Variants in CDH12 observed in about 807,000 individuals in gnomAD.
CDH12 encodes cadherin-12.
CDH12 carries 41 observed loss-of-function variants against 74.1 expected under a neutral mutation model. That is an observed-to-expected ratio of 0.55 (90% CI 0.43 to 0.72). CDH12 has a LOEUF of 0.72. CDH12 is among the 30% of genes least tolerant of loss of function. The pLI, the probability that CDH12 is intolerant of heterozygous loss-of-function variation, is 0.00. For missense variants in CDH12, 945 were observed against 977.2 expected, an observed-to-expected ratio of 0.97 and a Z score of 0.44; for synonymous variants, 399 against 355.0, an observed-to-expected ratio of 1.12 and a Z score of -1.39.
chr5:21,839,901 GT>G lies in CDH12; in HGVS notation c.814+2259del, dbSNP rs1366318452. 1.2e-4 allele frequency among the ~76,000 whole-genome samples: 18 copies of G among 152,202 alleles called. No homozygotes were observed. The East Asian group carries it at 3.5e-3, about 29-fold the overall frequency. ...CCAGGAATAAAACAGGTAGTGATTGGTGTTAGATGTAATACTGCAACAGAAA... is the reference window on the plus strand; with the variant it reads ...CCAGGAATAAAACAGGTAGTGATTGGGTTAGATGTAATACTGCAACAGAAA... On this transcript the variant is annotated intron_variant, in intron 8 of 14. Coordinates refer to ENST00000382254, the MANE Select transcript of CDH12 (RefSeq NM_004061.5).
intron 1 of CDH12, among the ~76,000 whole-genome samples, chr5:22,766,157 A>G (rs1013799735): frequency 1.3e-5 from 2 of 152,032 alleles, no homozygotes; most frequent in African/African-American, 4.8e-5. Context: ...AAAAACTCAA[A>G]CAATAATTGT....
chr5:22,708,916 C>T (rs1743156449), intron 1 of CDH12, among the ~76,000 whole-genome samples: 2 of 152,216 alleles, frequency 1.3e-5, no homozygotes, highest in South Asian at 2.1e-4. Context: ...CTGAAAGCGC[C>T]GCCACCCTGT....
At chr5:21,776,131 G>C (rs1389958160) in intron 11 of CDH12, among the ~76,000 whole-genome samples, 2 of 152,164 alleles carry the variant, frequency 1.3e-5, no homozygotes, top group Non-Finnish European at 2.9e-5. Context: ...GATCATGCCA[G>C]CTGCCATGTT....
chr5:22,597,346 A>C (rs1378647624), intron 1 of CDH12, among the ~76,000 whole-genome samples: 1 of 152,214 alleles, frequency 6.6e-6, no homozygotes, highest in Non-Finnish European at 1.5e-5. Flanking sequence ...ACAGCTTTCA[A>C]ATTTTAACCA....
At chr5:22,027,857 C>G (rs1425046217) in intron 5 of CDH12, among the ~76,000 whole-genome samples, 3 of 152,078 alleles carry the variant, frequency 2.0e-5, no homozygotes, top group Non-Finnish European at 2.9e-5. Context: ...CTTCTGCTAG[C>G]TTTCGAATGT....
chr5:22,590,064 G>C (rs530784920), intron 1 of CDH12, among the ~76,000 whole-genome samples: 2 of 152,000 alleles, frequency 1.3e-5, no homozygotes, highest in African/African-American at 4.8e-5. Context: ...GTACTATCTC[G>C]ACAATTTTCT....
At chr5:21,778,466 CAAAAAAAAAAAAAA>C (rs70957061) in intron 11 of CDH12, among the ~76,000 whole-genome samples, 4 of 52,614 alleles carry the variant, frequency 7.6e-5, no homozygotes, top group Non-Finnish European at 1.3e-4. Flanking sequence ...GCATATAAGC[CAAAAAAAAAAAAAA>C]AAAAAAAAAA....
intron 1 of CDH12, among the ~76,000 whole-genome samples, chr5:22,562,758 C>T (rs866649345): frequency 6.6e-6 from 1 of 151,110 alleles, no homozygotes; most frequent in Admixed American, 6.6e-5. Context: ...AAAACTTGAC[C>T]TTGGAAGAAA....
chr5:22,803,962 T>A (rs1228596745), intron 1 of CDH12, among the ~76,000 whole-genome samples: 1 of 152,008 alleles, frequency 6.6e-6, no homozygotes, highest in Non-Finnish European at 1.5e-5. Context: ...TCAATTACTA[T>A]GAGTCTATGT....
intron 3 of CDH12, among the ~76,000 whole-genome samples, chr5:22,332,849 C>T (rs371369185): frequency 8.5e-5 from 13 of 152,168 alleles, no homozygotes; most frequent in South Asian, 6.2e-4. Context: ...GAAATAGGAA[C>T]GCTTTTACAC....
intron 5 of CDH12, among the ~76,000 whole-genome samples, chr5:22,035,344 G>A (rs1336433102): frequency 1.3e-5 from 2 of 151,918 alleles, no homozygotes; most frequent in East Asian, 3.9e-4. Context: ...TATAAATTAG[G>A]TGCAGTGGCC....
intron 4 of CDH12, among the ~76,000 whole-genome samples, chr5:22,149,156 G>A (rs1275801401): frequency 6.6e-6 from 1 of 152,046 alleles, no homozygotes; most frequent in Non-Finnish European, 1.5e-5. Flanking sequence ...ATTGAATTTA[G>A]CTCCCACCTT....
intron 3 of CDH12, among the ~76,000 whole-genome samples, chr5:22,371,723 T>C (rs1236703293): frequency 1.3e-5 from 2 of 152,178 alleles, no homozygotes; most frequent in African/African-American, 4.8e-5. Context: ...ATAGTACATA[T>C]GTAGAATATT....
At chr5:22,241,939 A>G (rs1752765020) in intron 3 of CDH12, among the ~76,000 whole-genome samples, 1 of 152,102 alleles carries the variant, frequency 6.6e-6, no homozygotes, top group Non-Finnish European at 1.5e-5. Context: ...TATTTAAATC[A>G]TATATGGAAA....
intron 1 of CDH12, among the ~76,000 whole-genome samples, chr5:22,706,354 T>C (rs1743007611): frequency 6.6e-6 from 1 of 152,066 alleles, no homozygotes; most frequent in African/African-American, 2.4e-5. Flanking sequence ...TAAACATATC[T>C]ATATAAGGAT....
chr5:22,318,208 A>G (rs1262870017), intron 3 of CDH12, among the ~76,000 whole-genome samples: 1 of 152,210 alleles, frequency 6.6e-6, no homozygotes, highest in African/African-American at 2.4e-5. Context: ...GCCAGTGGGA[A>G]GAAATGAATT....
chr5:22,307,877 T>TTG (rs1738183933), intron 3 of CDH12, among the ~76,000 whole-genome samples: 1 of 109,344 alleles, frequency 9.1e-6, no homozygotes, highest in Non-Finnish European at 1.9e-5. Context: ...CTTTTAGTTT[T>TTG]TTTTTTTTTT....
intron 11 of CDH12, among the ~76,000 whole-genome samples, chr5:21,782,097 A>G (rs1356606339): frequency 1.3e-5 from 2 of 152,200 alleles, no homozygotes; most frequent in Non-Finnish European, 2.9e-5. Flanking sequence ...GGACTGGACT[A>G]GAAGCTCAAA....
chr5:22,026,666 T>A (rs527280830), intron 5 of CDH12, among the ~76,000 whole-genome samples: 6 of 152,254 alleles, frequency 3.9e-5, no homozygotes, highest in African/African-American at 1.4e-4. Context: ...ACATTAGGGT[T>A]AGGGTTTCAT....
Sources: allele counts gnomAD v4.1 joint callset (sites outside exome capture counted in the v4.1 genomes callset), GRCh38; gene constraint gnomAD v4.1.1; transcripts MANE v1.5; gene names NCBI Gene and HGNC (gene_info 2026-07-23, HGNC 2026-07-21).